Variants in IDO2 observed in about 807,000 individuals in gnomAD.
IDO2 encodes indoleamine 2,3-dioxygenase-like 1 protein.
IDO2 carries 46 observed loss-of-function variants against 45.1 expected under a neutral mutation model. That is an observed-to-expected ratio of 1.02 (90% CI 0.80 to 1.30). The LOEUF is 1.30. Ranked by LOEUF, IDO2 falls within the 50% of genes most tolerant of loss-of-function variation. IDO2 has a pLI of 0.00. For missense variants in IDO2, 544 were observed against 491.8 expected (o/e 1.11, Z -1.00); for synonymous variants, 218 against 184.9 (o/e 1.18, Z -1.45).
At chr8:39,994,133 T>C (rs1801991556) in intron 8 of IDO2, among the ~76,000 whole-genome samples, 1 of 152,164 alleles carries the variant, frequency 6.6e-6, no homozygotes, top group African/African-American at 2.4e-5. Flanking sequence ...AAAGGACAAA[T>C]GGTATTTATT....
chr8:40,015,553 A>G (rs766804092), exon 11 of IDO2: 1 of 1,613,926 alleles, frequency 6.2e-7, no homozygotes, highest in Non-Finnish European at 8.5e-7. Context: ...AGCTTTCTTA[A>G]GAGTGTCAGG....
intron 8 of IDO2, among the ~76,000 whole-genome samples, chr8:40,000,942 T>C (rs900078090): frequency 1.3e-5 from 2 of 152,220 alleles, no homozygotes; most frequent in Non-Finnish European, 2.9e-5. Context: ...CGTATAGTGG[T>C]GCTTCATCAT....
At chr8:39,961,129 C>T (rs763671303) in intron 2 of IDO2, among the ~76,000 whole-genome samples, 4 of 152,182 alleles carry the variant, frequency 2.6e-5, no homozygotes, top group South Asian at 2.1e-4. Context: ...GCTCATTGAG[C>T]GTCTGTCACT....
At chr8:39,977,014 AATGT>A (rs1447190290) in intron 3 of IDO2, among the ~76,000 whole-genome samples, 6 of 152,170 alleles carry the variant, frequency 3.9e-5, no homozygotes, top group Admixed American at 6.6e-5. Flanking sequence ...ATTTTCTAAT[AATGT>A]ATCTTTCAAA....
At chr8:39,957,432 C>T (rs535925927) in intron 2 of IDO2, among the ~76,000 whole-genome samples, 9 of 152,052 alleles carry the variant, frequency 5.9e-5, no homozygotes, top group East Asian at 1.9e-4. Flanking sequence ...GGCAACATAG[C>T]GAGACCCCAT....
intron 9 of IDO2, among the ~76,000 whole-genome samples, chr8:40,009,114 A>G (rs1802266493): frequency 6.6e-6 from 1 of 152,136 alleles, no homozygotes; most frequent in South Asian, 2.1e-4. Context: ...TCCCAGGTTC[A>G]AGCTTTCCTC....
chr8:39,961,320 C>CTT (rs57577433), intron 2 of IDO2, among the ~76,000 whole-genome samples: 10 of 106,114 alleles, frequency 9.4e-5, no homozygotes, highest in African/African-American at 2.7e-4. Context: ...TTGTATACTT[C>CTT]TTTTTTTTTT....
chr8:39,971,458 A>G (rs1221411267), intron 3 of IDO2, among the ~76,000 whole-genome samples: 1 of 152,176 alleles, frequency 6.6e-6, no homozygotes, highest in African/African-American at 2.4e-5. Flanking sequence ...CAACCTATGG[A>G]TCAAGGGGTC....
At chr8:40,011,508 C>CAA (rs1440795851) in intron 9 of IDO2, among the ~76,000 whole-genome samples, 1 of 152,176 alleles carries the variant, frequency 6.6e-6, no homozygotes, top group African/African-American at 2.4e-5. Flanking sequence ...GGACAAATCA[C>CAA]AAAACCTCTC....
intron 2 of IDO2, among the ~76,000 whole-genome samples, chr8:39,962,930 A>G (rs1808021473): frequency 6.6e-6 from 1 of 152,244 alleles, no homozygotes; most frequent in East Asian, 1.9e-4. Context: ...GAAAGAATCA[A>G]TCGGGAAAGG....
intron 3 of IDO2, among the ~76,000 whole-genome samples, chr8:39,976,358 A>G (rs1808259559): frequency 6.6e-6 from 1 of 152,190 alleles, no homozygotes; most frequent in Non-Finnish European, 1.5e-5. Flanking sequence ...TACAAAATTC[A>G]ACAAATAGAT....
chr8:40,005,212 G>T, intron 8 of IDO2, 115 bp from the exon 9 acceptor site: 1 of 547,286 alleles, frequency 1.8e-6, no homozygotes, highest in Non-Finnish European at 3.2e-6. Context: ...TTCATTCCAG[G>T]TCTCCATGCA....
At chr8:40,009,406 C>T (rs977974083) in intron 9 of IDO2, among the ~76,000 whole-genome samples, 4 of 150,706 alleles carry the variant, frequency 2.7e-5, no homozygotes, top group African/African-American at 9.8e-5. Context: ...AGTTCCCACA[C>T]ACATTCAATT....
intron 5 of IDO2, chr8:39,985,237 T>C (rs1343735958): frequency 2.0e-6 from 1 of 496,944 alleles, no homozygotes; most frequent in East Asian, 3.5e-5. Flanking sequence ...CCTAATAATA[T>C]ATTAAGATGG....
At chr8:39,993,153 A>T (rs1801967450) in intron 8 of IDO2, among the ~76,000 whole-genome samples, 1 of 151,904 alleles carries the variant, frequency 6.6e-6, no homozygotes. Context: ...ACTCAGCCAG[A>T]TCTGAGCTTT....
intron 1 of IDO2, 92 bp downstream of exon 1, chr8:39,935,310 C>T (rs1807528507): frequency 1.9e-6 from 2 of 1,026,308 alleles, no homozygotes; most frequent in Admixed American, 2.0e-5. Context: ...ATTGGAAAAT[C>T]ACTGTTCTCT....
chr8:39,992,436 T>C (rs1801952453), intron 8 of IDO2, among the ~76,000 whole-genome samples: 2 of 152,162 alleles, frequency 1.3e-5, no homozygotes, highest in African/African-American at 2.4e-5. Context: ...TGTCTTGAAG[T>C]CTTCCCAACT....
intron 9 of IDO2, among the ~76,000 whole-genome samples, chr8:40,007,833 T>A (rs1008805453): frequency 6.6e-6 from 1 of 152,170 alleles, no homozygotes; most frequent in Non-Finnish European, 1.5e-5. Context: ...AAGGCCGAAG[T>A]CAATTTATCT....
rs185792995 is a variant in IDO2, at chr8:39,937,969, C to T, written c.-18+2751C>T. ...ATTGCATTTGTATATTTGTAATGAA[C>T]TGTTTTATAATAACAAAATGTAAAA... On this transcript the variant is annotated intron_variant, in intron 1 of 10. Coordinates refer to ENST00000502986, the Ensembl canonical transcript of IDO2. Among the ~76,000 whole-genome samples, 11 of 152,260 alleles carry T rather than the reference C, an allele frequency of 7.2e-5. No individual in the cohort carries two copies. The East Asian group carries it at 2.1e-3, about 29-fold the overall frequency.
Sources: allele counts gnomAD v4.1 joint callset (sites outside exome capture counted in the v4.1 genomes callset), GRCh38; gene constraint gnomAD v4.1.1; transcripts MANE v1.5; gene names NCBI Gene and HGNC (gene_info 2026-07-23, HGNC 2026-07-21).